CDH13: variants seen among roughly 807,000 people sequenced by gnomAD.
CDH13 encodes the protein cadherin 13.
CDH13 carries 24 observed loss-of-function variants against 63.8 expected under a neutral mutation model. The observed-to-expected ratio is 0.38, with a 90% confidence interval of 0.27 to 0.53. The LOEUF is 0.53. Among genes scored for constraint, CDH13 ranks in the 20% least tolerant of loss-of-function variants. The probability of loss-of-function intolerance (pLI) is 0.85; values close to 1 mark genes in which losing one functional copy is unlikely to be tolerated. For synonymous variants in CDH13, 503 were observed against 355.3 expected (o/e 1.42, Z -4.67); for missense variants, 1,049 against 903.1 (o/e 1.16, Z -2.07).
intron 3 of CDH13, among the ~76,000 whole-genome samples, chr16:83,082,020 G>A (rs867257065): frequency 3.3e-5 from 5 of 151,956 alleles, no homozygotes; most frequent in Non-Finnish European, 7.4e-5. Context: ...GGCTGGTCTC[G>A]AACTCCCAAC....
intron 1 of CDH13, among the ~76,000 whole-genome samples, chr16:82,796,230 G>A (rs569756005): frequency 6.6e-5 from 10 of 152,254 alleles, no homozygotes; most frequent in African/African-American, 2.2e-4. Context: ...CCAGAAACTG[G>A]TTCTTTGCCA....
intron 6 of CDH13, among the ~76,000 whole-genome samples, chr16:83,435,345 CCT>C (rs1438380653): frequency 1.3e-5 from 2 of 152,060 alleles, no homozygotes; most frequent in African/African-American, 2.4e-5. Flanking sequence ...TGCCTGGCCC[CCT>C]ATTTGACATA....
intron 4 of CDH13, among the ~76,000 whole-genome samples, chr16:83,177,381 A>C (rs1219016392): frequency 6.6e-6 from 1 of 152,186 alleles, no homozygotes; most frequent in East Asian, 1.9e-4. Flanking sequence ...CTGCTACAGC[A>C]CAAAGGGGAC....
intron 2 of CDH13, among the ~76,000 whole-genome samples, chr16:82,905,863 T>G (rs1471847087): frequency 1.3e-5 from 2 of 152,236 alleles, no homozygotes; most frequent in African/African-American, 4.8e-5. Flanking sequence ...TAACCACACA[T>G]GGCTACTGGC....
intron 5 of CDH13, among the ~76,000 whole-genome samples, chr16:83,221,209 T>C (rs550560843): frequency 6.6e-6 from 1 of 152,300 alleles, no homozygotes; most frequent in East Asian, 1.9e-4. Flanking sequence ...CTAGGAACTC[T>C]GCTTACCGGG....
chr16:83,060,417 A>T (rs1215643949), intron 3 of CDH13, among the ~76,000 whole-genome samples: 1 of 152,190 alleles, frequency 6.6e-6, no homozygotes, highest in African/African-American at 2.4e-5. Flanking sequence ...TTGAAAAGAC[A>T]AAGTGTGAAA....
chr16:82,686,720 G>C (rs775960779), intron 1 of CDH13, among the ~76,000 whole-genome samples: 4 of 152,190 alleles, frequency 2.6e-5, no homozygotes, highest in Non-Finnish European at 4.4e-5. Context: ...TGACAACCCA[G>C]AATGTTGCTT....
At chr16:83,229,624 G>A (rs370077622) in intron 5 of CDH13, among the ~76,000 whole-genome samples, 47 of 152,016 alleles carry the variant, frequency 3.1e-4, no homozygotes, top group African/African-American at 1.1e-3. Flanking sequence ...TCCAGAAGGC[G>A]TATCTTTTCT....
chr16:82,663,642 A>T (rs539987617), intron 1 of CDH13, among the ~76,000 whole-genome samples: 2 of 152,346 alleles, frequency 1.3e-5, no homozygotes, highest in South Asian at 2.1e-4. Flanking sequence ...TTCTTCAGAC[A>T]TCACTCTCTT....
At chr16:82,722,569 T>A (rs1449559160) in intron 1 of CDH13, among the ~76,000 whole-genome samples, 1 of 152,168 alleles carries the variant, frequency 6.6e-6, no homozygotes, top group Non-Finnish European at 1.5e-5. Context: ...CAGCTGGGGA[T>A]GGAGTCACCC....
chr16:83,671,944 G>A (rs1914534689), intron 9 of CDH13, among the ~76,000 whole-genome samples: 1 of 152,194 alleles, frequency 6.6e-6, no homozygotes, highest in African/African-American at 2.4e-5. Context: ...ACTCTTTCTG[G>A]GAAGTTCTGG....
chr16:83,533,181 G>C (rs2075116880), intron 7 of CDH13, among the ~76,000 whole-genome samples: 1 of 152,218 alleles, frequency 6.6e-6, no homozygotes, highest in Non-Finnish European at 1.5e-5. Flanking sequence ...GCAGATGCCA[G>C]CAGCTGGTGT....
chr16:83,125,758 C>A (rs2035781695), intron 4 of CDH13, among the ~76,000 whole-genome samples: 1 of 152,156 alleles, frequency 6.6e-6, no homozygotes, highest in African/African-American at 2.4e-5. Flanking sequence ...AGGAAGATGT[C>A]AATGGTTAAG....
rs71146097 is a variant in CDH13 at position 82,929,651 on chromosome 16, C to CAAAAAAAAAAAAAAAAAAA, written c.157+71192_157+71210dup. Among the ~76,000 whole-genome samples the CAAAAAAAAAAAAAAAAAAA allele has an allele frequency of 5.4e-4, 24 of 44,278 alleles. 2 individuals carry two copies. Among genetic ancestry groups the CAAAAAAAAAAAAAAAAAAA allele is most frequent in the African/African-American group, 1.3e-3 (9 of 6,958 alleles). The allele number at this position is 44,278 out of a possible 152,430, so 29.0% of individuals were successfully genotyped here. ...TGGGGGACAGAGTGAGACTCCATCT[C>CAAAAAAAAAAAAAAAAAAA]AAAAAAAAAAAAAAAAAAAAAAAAA... is the stretch of plus-strand genomic sequence containing the variant. On this transcript the variant is annotated intron_variant, in intron 2 of 13. Coordinates refer to ENST00000567109, the MANE Select transcript of CDH13 (RefSeq NM_001257.5).
At chr16:83,185,764 C>G (rs1472741747) in intron 4 of CDH13, among the ~76,000 whole-genome samples, 1 of 152,144 alleles carries the variant, frequency 6.6e-6, no homozygotes, top group Non-Finnish European at 1.5e-5. Context: ...AATTAATTAC[C>G]AGGAACAGAA....
chr16:83,485,473 C>G (rs1221497418), intron 6 of CDH13, among the ~76,000 whole-genome samples: 2 of 152,146 alleles, frequency 1.3e-5, no homozygotes, highest in Non-Finnish European at 2.9e-5. Flanking sequence ...TGAGTGAACC[C>G]AACCATGTTA....
chr16:83,342,566 T>C (rs2090748586), intron 5 of CDH13, among the ~76,000 whole-genome samples: 1 of 152,222 alleles, frequency 6.6e-6, no homozygotes, highest in Admixed American at 6.5e-5. Flanking sequence ...TTGGATTGTC[T>C]GTTTGCATAA....
intron 7 of CDH13, among the ~76,000 whole-genome samples, chr16:83,575,398 C>T (rs190479295): frequency 5.1e-4 from 77 of 152,234 alleles, no homozygotes; most frequent in African/African-American, 1.6e-3. Flanking sequence ...TCAAGTCAAC[C>T]GCCTGGTTAA....
intron 1 of CDH13, among the ~76,000 whole-genome samples, chr16:82,737,856 G>A (rs753550525): frequency 6.6e-6 from 1 of 152,198 alleles, no homozygotes; most frequent in African/African-American, 2.4e-5. Context: ...AGTGTGATGA[G>A]TTTGGATATA....
Sources: gnomAD v4.1 joint callset for allele counts (sites outside exome capture counted in the v4.1 genomes callset) on GRCh38, gnomAD v4.1.1 for gene constraint, MANE v1.5 for transcripts, NCBI Gene and HGNC (gene_info 2026-07-23, HGNC 2026-07-21) for gene names.